Variants in NAALADL2 observed in about 807,000 individuals in gnomAD.
NAALADL2 encodes N-acetylated alpha-linked acidic dipeptidase like 2.
Under a neutral mutation model 87.2 loss-of-function variants are expected in NAALADL2, and 76 were observed. The ratio of observed to expected loss-of-function variants is 0.87; its 90% CI spans 0.72 to 1.05. NAALADL2 has a LOEUF of 1.05. Among genes scored for constraint, NAALADL2 ranks in the 50% least tolerant of loss-of-function variants. NAALADL2 has a pLI of 0.00. For missense variants in NAALADL2, 1,089 were observed against 945.8 expected (o/e 1.15, Z -1.99); for synonymous variants, 354 against 331.0 (o/e 1.07, Z -0.75).
chr3:175,631,310 C>G (rs1372281561), intron 11 of NAALADL2, among the ~76,000 whole-genome samples: 2 of 151,674 alleles, frequency 1.3e-5, no homozygotes, highest in African/African-American at 4.8e-5. Context: ...GAACAGATCT[C>G]ACAGTGGTTT....
At chr3:174,766,657 C>T (rs1435228817) in intron 3 of NAALADL2, among the ~76,000 whole-genome samples, 1 of 152,120 alleles carries the variant, frequency 6.6e-6, no homozygotes, top group African/African-American at 2.4e-5. Context: ...CTAATTGCTT[C>T]TCTATTATAG....
At chr3:175,518,574 A>G (rs1321847380) in intron 9 of NAALADL2, among the ~76,000 whole-genome samples, 1 of 152,182 alleles carries the variant, frequency 6.6e-6, no homozygotes, top group Non-Finnish European at 1.5e-5. Context: ...ATAGGGCCCC[A>G]TCTGGCAAGA....
intron 4 of NAALADL2, among the ~76,000 whole-genome samples, chr3:175,266,588 T>C (rs1447925423): frequency 6.6e-6 from 1 of 151,784 alleles, no homozygotes; most frequent in East Asian, 1.9e-4. Flanking sequence ...GAAGAGCTAG[T>C]GTGCTTGGGC....
intron 11 of NAALADL2, among the ~76,000 whole-genome samples, chr3:175,686,743 T>C (rs1468727985): frequency 6.6e-6 from 1 of 152,314 alleles, no homozygotes. Flanking sequence ...GTTTGCTCCA[T>C]GAAAGTATTA....
chr3:174,443,756 C>T (rs954777391), intron 1 of NAALADL2, among the ~76,000 whole-genome samples: 5 of 152,010 alleles, frequency 3.3e-5, no homozygotes, highest in African/African-American at 1.2e-4. Context: ...AAAAAGGAGT[C>T]TGAAAAAGAG....
rs529677873 is a variant in NAALADL2 at position 174,587,192 on chromosome 3, C to T, written c.-115+36555C>T. On this transcript the variant is annotated intron_variant, in intron 2 of 3. Transcript: ENST00000434257. ...CCTTTTTTATGGCTGCATAGTATTC[C>T]ATGGTGAATATGTGCCACATTTTCT... Among the ~76,000 whole-genome samples, 168 of 152,162 alleles carry T rather than the reference C, an allele frequency of 1.1e-3. 1 individual carries two copies. Among genetic ancestry groups the T allele is most frequent in the African/African-American group, 4.0e-3 (167 of 41,516 alleles).
chr3:174,642,400 C>A (rs2108733754), intron 2 of NAALADL2, among the ~76,000 whole-genome samples: 1 of 151,410 alleles, frequency 6.6e-6, no homozygotes, highest in African/African-American at 2.4e-5. Flanking sequence ...ACTCGCGAGG[C>A]TGAGGCACAA....
intron 1 of NAALADL2, among the ~76,000 whole-genome samples, chr3:174,534,601 AG>A (rs1384690243): frequency 2.6e-5 from 4 of 152,182 alleles, no homozygotes; most frequent in Middle Eastern, 3.2e-3. Context: ...TTTTTTCAGA[AG>A]GGTGGAAAAC....
In NAALADL2 at chr3:175,709,700, A is replaced by G. The variant is rs192719914; in HGVS notation, c.1897-27606A>G. On this transcript the variant is annotated intron_variant, in intron 11 of 13. Coordinates refer to ENST00000454872, the MANE Select transcript of NAALADL2 (RefSeq NM_207015.3). ...TGAAATTGTCTGGAGAAGTATCAGC[A>G]TTTCACAAACCTCAGCAAATCAAAC... is the stretch of plus-strand genomic sequence containing the variant. Among the ~76,000 whole-genome samples the G allele has an allele frequency of 4.7e-4, 71 of 152,252 alleles. No homozygotes were observed. In the East Asian group the frequency reaches 0.013, roughly 28 times the overall value.
chr3:175,188,717 A>G (rs1376049973), intron 2 of NAALADL2, among the ~76,000 whole-genome samples: 4 of 152,076 alleles, frequency 2.6e-5, no homozygotes, highest in African/African-American at 7.2e-5. Flanking sequence ...CAAGCCACAA[A>G]TGTGTACCAT....
chr3:174,985,124 G>A (rs997524432), intron 1 of NAALADL2, among the ~76,000 whole-genome samples: 2 of 152,152 alleles, frequency 1.3e-5, no homozygotes, highest in East Asian at 1.9e-4. Context: ...AATTTGGAAC[G>A]TAGGGAAAAA....
At chr3:174,752,241 G>A (rs997839821) in intron 3 of NAALADL2, among the ~76,000 whole-genome samples, 1 of 152,242 alleles carries the variant, frequency 6.6e-6, no homozygotes, top group Middle Eastern at 3.4e-3. Context: ...CTCCCAAAGT[G>A]CTGGGATTAC....
intron 1 of NAALADL2, among the ~76,000 whole-genome samples, chr3:174,872,147 G>T (rs936782040): frequency 6.6e-6 from 1 of 152,084 alleles, no homozygotes; most frequent in Non-Finnish European, 1.5e-5. Context: ...TGAAAACCTC[G>T]TGCTGTTAAG....
chr3:174,600,181 G>T (rs956046262), intron 2 of NAALADL2, among the ~76,000 whole-genome samples: 15 of 152,068 alleles, frequency 9.9e-5, no homozygotes, highest in Admixed American at 2.6e-4. Flanking sequence ...GAAAGTTTCA[G>T]TGTGGTTTCT....
At chr3:174,715,194 T>G (rs1397602833) in intron 2 of NAALADL2, among the ~76,000 whole-genome samples, 1 of 152,190 alleles carries the variant, frequency 6.6e-6, no homozygotes. Context: ...TGTTTTTCAA[T>G]ATATCACCTA....
intron 1 of NAALADL2, among the ~76,000 whole-genome samples, chr3:174,995,581 TC>T (rs1747328634): frequency 6.6e-6 from 1 of 152,174 alleles, no homozygotes; most frequent in South Asian, 2.1e-4. Flanking sequence ...TTTTCTGACC[TC>T]AATTATGCTT....
intron 1 of NAALADL2, among the ~76,000 whole-genome samples, chr3:174,958,857 G>A (rs1336479537): frequency 1.3e-5 from 2 of 152,044 alleles, no homozygotes; most frequent in East Asian, 3.9e-4. Flanking sequence ...GTTGTTGCTT[G>A]TAGATAATAT....
chr3:174,669,343 A>C (rs1392382384), intron 2 of NAALADL2, among the ~76,000 whole-genome samples: 2 of 151,886 alleles, frequency 1.3e-5, no homozygotes, highest in Non-Finnish European at 2.9e-5. Flanking sequence ...AGATTGCAAA[A>C]ATTTTCTCCC....
At chr3:174,871,848 G>A (rs1231185469) in intron 1 of NAALADL2, among the ~76,000 whole-genome samples, 1 of 152,108 alleles carries the variant, frequency 6.6e-6, no homozygotes, top group Non-Finnish European at 1.5e-5. Flanking sequence ...GCACTGAGCT[G>A]AGATCATGCC....
Sources: allele counts gnomAD v4.1 joint callset (sites outside exome capture counted in the v4.1 genomes callset), GRCh38; gene constraint gnomAD v4.1.1; transcripts MANE v1.5; gene names NCBI Gene and HGNC (gene_info 2026-07-23, HGNC 2026-07-21).